The following PDGFC variants were observed in gnomAD, a reference collection of about 807,000 sequenced individuals.
PDGFC encodes the protein platelet-derived growth factor C.
A neutral mutation model predicts 35.5 loss-of-function variants in PDGFC; 12 were observed. The observed-to-expected ratio is 0.34, with a 90% CI of 0.22 to 0.55. PDGFC has a LOEUF of 0.55. Ranked by LOEUF, PDGFC falls within the 20% of genes least tolerant of loss-of-function variation. PDGFC has a pLI of 0.91. For missense variants in PDGFC, 322 were observed against 412.4 expected (o/e 0.78, Z 1.90); for synonymous variants, 159 against 148.8 (o/e 1.07, Z -0.50).
At chr4:156,902,296 C>T (rs1051739452) in intron 1 of PDGFC, among the ~76,000 whole-genome samples, 1 of 152,008 alleles carries the variant, frequency 6.6e-6, no homozygotes, top group South Asian at 2.1e-4. Flanking sequence ...TATCTACTAC[C>T]CAGATTTAAT....
chr4:156,945,356 T>C (rs868609248), intron 1 of PDGFC, among the ~76,000 whole-genome samples: 1,113 of 87,126 alleles, frequency 0.013, 32 homozygotes, highest in Non-Finnish European at 0.016. Flanking sequence ...TATATATATA[T>C]ATATATATAT....
chr4:156,821,408 T>G (rs1346676558), intron 2 of PDGFC, among the ~76,000 whole-genome samples: 12 of 152,002 alleles, frequency 7.9e-5, no homozygotes, highest in Non-Finnish European at 1.5e-5. Flanking sequence ...TTTTTCTTTT[T>G]TTTTAACTTT....
chr4:156,812,399 A>T (rs962537500), intron 2 of PDGFC, among the ~76,000 whole-genome samples: 2 of 152,098 alleles, frequency 1.3e-5, no homozygotes, highest in Non-Finnish European at 2.9e-5. Flanking sequence ...CAGACAATAT[A>T]TTTATTTTTA....
chr4:156,772,982 C>A, intron 3 of PDGFC, 89 bp from the exon 4 acceptor site: 1 of 842,290 alleles, frequency 1.2e-6, no homozygotes, highest in Non-Finnish European at 2.0e-6. Context: ...AAGACTGAGG[C>A]TGGAAATATG....
chr4:156,922,606 G>A (rs111608340), intron 1 of PDGFC, among the ~76,000 whole-genome samples: 6 of 152,304 alleles, frequency 3.9e-5, no homozygotes, highest in African/African-American at 1.4e-4. Context: ...GACTCTGACT[G>A]TAAGTTTACC....
At chr4:156,851,920 G>T (rs1729463988) in intron 1 of PDGFC, among the ~76,000 whole-genome samples, 1 of 70,892 alleles carries the variant, frequency 1.4e-5, no homozygotes, top group African/African-American at 7.3e-5. Flanking sequence ...GACAGAATGA[G>T]ACTCCATCTC....
At chr4:156,783,138 T>C (rs1236241719) in intron 3 of PDGFC, among the ~76,000 whole-genome samples, 2 of 151,772 alleles carry the variant, frequency 1.3e-5, no homozygotes, top group South Asian at 2.1e-4. Context: ...AGAAACTGAG[T>C]TGGAAAAAAA....
At chr4:156,829,338 T>C (rs1161451483) in intron 2 of PDGFC, among the ~76,000 whole-genome samples, 3 of 152,178 alleles carry the variant, frequency 2.0e-5, no homozygotes, top group Non-Finnish European at 4.4e-5. Context: ...CATTTCAGAT[T>C]GTTAGGTGAT....
intron 1 of PDGFC, among the ~76,000 whole-genome samples, chr4:156,915,004 G>T (rs1262767265): frequency 1.3e-5 from 2 of 152,016 alleles, no homozygotes; most frequent in Non-Finnish European, 2.9e-5. Context: ...ATTAAATTGG[G>T]TGACTATGGA....
intron 1 of PDGFC, among the ~76,000 whole-genome samples, chr4:156,871,734 A>T (rs1729988857): frequency 6.6e-6 from 1 of 152,112 alleles, no homozygotes; most frequent in African/African-American, 2.4e-5. Flanking sequence ...AAACTATTTT[A>T]AAAACATTAT....
In PDGFC at chr4:156,942,424, A is replaced by G. The variant is rs183090798; in HGVS notation, c.118+28362T>C. Among the ~76,000 whole-genome samples the G allele has an allele frequency of 3.5e-3, 529 of 152,210 alleles. 4 individuals carry two copies. The highest frequency in any genetic ancestry group is 0.012 in the African/African-American group (498 of 41,564). On this transcript the variant is annotated intron_variant, in intron 1 of 5. Transcript: ENST00000502773. ...TAGAAATACTTGAAAATAAGCCTTT[A>G]AGATTCCACAGGAGAAGAGAAAAAC...
chr4:156,901,069 T>C (rs1488767984), intron 1 of PDGFC, among the ~76,000 whole-genome samples: 1 of 152,148 alleles, frequency 6.6e-6, no homozygotes, highest in Non-Finnish European at 1.5e-5. Context: ...GCAAAAGAGC[T>C]TGTATTTTCT....
At chr4:156,951,899 C>A (rs931667196) in intron 1 of PDGFC, among the ~76,000 whole-genome samples, 1 of 151,684 alleles carries the variant, frequency 6.6e-6, no homozygotes. Flanking sequence ...AAGAAAGTTC[C>A]AGTGAATGCC....
intron 2 of PDGFC, among the ~76,000 whole-genome samples, chr4:156,822,021 T>A (rs1399627352): frequency 6.6e-6 from 1 of 152,048 alleles, no homozygotes; most frequent in East Asian, 1.9e-4. Flanking sequence ...ATATCAAAAA[T>A]TTTTCTTTAA....
chr4:156,917,977 C>T (rs776201409), intron 1 of PDGFC, among the ~76,000 whole-genome samples: 3 of 152,132 alleles, frequency 2.0e-5, no homozygotes, highest in Non-Finnish European at 4.4e-5. Context: ...TAGATGCATA[C>T]TTCAGTGCAT....
At chr4:156,796,975 C>T (rs145456237) in intron 3 of PDGFC, among the ~76,000 whole-genome samples, 3,572 of 152,104 alleles carry the variant, frequency 0.023, 58 homozygotes, top group Non-Finnish European at 0.033. Flanking sequence ...TGGTGGCTCA[C>T]GCCTGTAATC....
At chr4:156,895,875 G>A (rs963160615) in intron 1 of PDGFC, among the ~76,000 whole-genome samples, 1 of 152,116 alleles carries the variant, frequency 6.6e-6, no homozygotes, top group South Asian at 2.1e-4. Flanking sequence ...GTAGCTGAGT[G>A]TTGATTTACT....
chr4:156,913,536 T>C (rs1731089872), intron 1 of PDGFC, among the ~76,000 whole-genome samples: 1 of 152,190 alleles, frequency 6.6e-6, no homozygotes, highest in Non-Finnish European at 1.5e-5. Context: ...CAAAACAACT[T>C]GTGCATTCAC....
chr4:156,924,059 A>G (rs924792986), intron 1 of PDGFC, among the ~76,000 whole-genome samples: 2 of 152,210 alleles, frequency 1.3e-5, no homozygotes, highest in African/African-American at 4.8e-5. Context: ...TTATTCATTT[A>G]AAGCCCTGCT....
Sources: gnomAD v4.1 joint callset for allele counts (sites outside exome capture counted in the v4.1 genomes callset) on GRCh38, gnomAD v4.1.1 for gene constraint, MANE v1.5 for transcripts, NCBI Gene and HGNC (gene_info 2026-07-23, HGNC 2026-07-21) for gene names.